The following ETV7 variants were observed in gnomAD, a reference collection of about 807,000 sequenced individuals.
The protein encoded by ETV7 is transcription factor ETV7.
Under a neutral mutation model 39.1 loss-of-function variants are expected in ETV7, and 43 were observed. That is an observed-to-expected ratio of 1.10 (90% CI 0.86 to 1.42). The LOEUF (loss-of-function observed/expected upper bound fraction) is 1.42. Among genes scored for constraint, ETV7 ranks in the 40% most tolerant of loss-of-function variants. The pLI is 0.00. For synonymous variants in ETV7, 196 were observed against 176.6 expected, an observed-to-expected ratio of 1.11 and a Z score of -0.87; for missense variants, 432 against 442.3, an observed-to-expected ratio of 0.98 and a Z score of 0.21.
chr6:36,386,517 C>T (rs1773907630), intron 1 of ETV7, among the ~76,000 whole-genome samples: 1 of 152,196 alleles, frequency 6.6e-6, no homozygotes, highest in South Asian at 2.1e-4. Context: ...GAATAGGAAG[C>T]TCCTTCGGGC....
At chr6:36,362,821 C>T (rs920528581), downstream of ETV7, among the ~76,000 whole-genome samples, 6 of 152,234 alleles carry the variant, frequency 3.9e-5, no homozygotes, top group African/African-American at 1.4e-4. Flanking sequence ...GATTCATTGC[C>T]TGAGTTAAGG....
intron 4 of ETV7, among the ~76,000 whole-genome samples, chr6:36,371,934 T>C (rs1773050890): frequency 6.6e-6 from 1 of 152,256 alleles, no homozygotes; most frequent in African/African-American, 2.4e-5. Flanking sequence ...CTAAGAATCT[T>C]GAGCATATAT....
At chr6:36,357,030 T>TA (rs1772359807) in intron 7 of ETV7, among the ~76,000 whole-genome samples, 1 of 152,186 alleles carries the variant, frequency 6.6e-6, no homozygotes, top group Non-Finnish European at 1.5e-5. Context: ...TGGGAGAAGA[T>TA]ATATGGCAGA....
chr6:36,385,395 GC>G, intron 2 of ETV7, 138 bp downstream of exon 2: 1 of 995,888 alleles, frequency 1.0e-6, no homozygotes, highest in Non-Finnish European at 1.5e-6. Context: ...GAACCCAGGA[GC>G]TGGAAGTTGA....
intron 4 of ETV7, among the ~76,000 whole-genome samples, chr6:36,373,058 G>C (rs933073048): frequency 1.1e-4 from 16 of 151,848 alleles, no homozygotes; most frequent in African/African-American, 3.9e-4. Context: ...AAAGAGTTTT[G>C]GGGGAAGGAA....
chr6:36,363,198 G>A (rs778397012), downstream of ETV7, among the ~76,000 whole-genome samples: 5 of 152,258 alleles, frequency 3.3e-5, no homozygotes, highest in East Asian at 1.9e-4. Context: ...GGACCCTCGC[G>A]GTGAGTCTTA....
intron 2 of ETV7, among the ~76,000 whole-genome samples, chr6:36,379,867 C>T (rs557317476): frequency 6.3e-4 from 93 of 148,388 alleles, no homozygotes; most frequent in African/African-American, 1.7e-3. Context: ...CTGAGCAAGA[C>T]GCCATCTCAA....
chr6:36,375,610 A>G (rs1165756665), intron 3 of ETV7, among the ~76,000 whole-genome samples: 1 of 152,186 alleles, frequency 6.6e-6, no homozygotes, highest in African/African-American at 2.4e-5. Flanking sequence ...CCACAGATAA[A>G]GGGAAGAGAA....
chr6:36,363,636 G>A (rs539986644), downstream of ETV7, among the ~76,000 whole-genome samples: 2 of 152,348 alleles, frequency 1.3e-5, no homozygotes, highest in South Asian at 4.1e-4. Context: ...TGCTAGCTGG[G>A]GCAGCCTGCT....
At position 36,375,951 on chromosome 6, in the gene ETV7, G is replaced by A. The variant is rs776191639; in HGVS notation, c.227C>T (p.Ala76Val). 16 of 1,613,486 alleles carry A rather than the reference G, an allele frequency of 9.9e-6. No homozygotes were observed. The highest frequency in any genetic ancestry group is 2.2e-5 in the East Asian group (1 of 44,900). ...AEQEYSLPCT[A>V]EHGFEMNGRA... ...TCCGTTCATCTCGAACCCGTGCTCCGCGGTGCATGGCAGAGAGTACTCCTG... is the reference window on the plus strand; with the variant it reads ...TCCGTTCATCTCGAACCCGTGCTCCACGGTGCATGGCAGAGAGTACTCCTG... The change falls in exon 3 of 8, where the codon GCG (alanine) becomes GTG (valine). Residue 76 changes from alanine (A) to valine (V), a missense_variant. By Grantham distance (64) the Ala-to-Val change is moderately conservative. Coordinates refer to ENST00000340181, the MANE Select transcript of ETV7 (RefSeq NM_016135.4).
rs370905579 is a variant in ETV7, at chr6:36,371,379, G to A, written c.615C>T (p.Val205=). ...CCTGCGGCATCGCGGGGAAGGAACA[G>A]ACCCCCTGGGTCCTGCAGCCGAGCT... is the stretch of plus-strand genomic sequence containing the variant. ...CAELGCRTQG[V]CSFPAMPQAP... The change falls in exon 5 of 8, where the codon GTC becomes GTT. Residue 205 remains valine, a synonymous_variant. Transcript: ENST00000340181. The A allele has an allele frequency of 1.0e-5, 16 of 1,601,446 alleles. No homozygotes were observed. Among genetic ancestry groups the A allele is most frequent in the Non-Finnish European group, 1.4e-5 (16 of 1,173,404 alleles).
At chr6:36,361,405 C>A (rs2127382115), downstream of ETV7, among the ~76,000 whole-genome samples, 1 of 152,356 alleles carries the variant, frequency 6.6e-6, no homozygotes, top group South Asian at 2.1e-4. Context: ...TTCTGTGTGT[C>A]TCTACAAACC....
chr6:36,372,985 C>T (rs529627930), intron 4 of ETV7, among the ~76,000 whole-genome samples: 8 of 151,246 alleles, frequency 5.3e-5, no homozygotes, highest in African/African-American at 9.7e-5. Flanking sequence ...AAGAGGAGGT[C>T]GAGGAGACAC....
At chr6:36,368,423 T>A (rs954041184) in intron 6 of ETV7, among the ~76,000 whole-genome samples, 1 of 152,232 alleles carries the variant, frequency 6.6e-6, no homozygotes, top group Non-Finnish European at 1.5e-5. Flanking sequence ...TCATGGTAGT[T>A]ACATTTTGTA....
At chr6:36,382,954 T>C (rs894284758) in intron 2 of ETV7, among the ~76,000 whole-genome samples, 4 of 150,454 alleles carry the variant, frequency 2.7e-5, no homozygotes, top group African/African-American at 9.8e-5. Flanking sequence ...AGCATCACAG[T>C]TGACCCTTGC....
rs988187721 is a variant in ETV7 at position 36,375,705 on chromosome 6, A to G, written c.307+166T>C. The G allele has an allele frequency of 6.3e-6, 7 of 1,106,382 alleles. No homozygotes were observed. The East Asian group carries it at 1.2e-4, about 19-fold the overall frequency. The allele number at this position is 1,106,382 out of a possible 1,614,324, so 68.5% of individuals were successfully genotyped here. Reference sequence around the variant, plus strand: ...TGCTGAAGGCCTGCTCTAGCTAGGAACCACCAGATACACACGTATGCAGAG... The same window carrying G: ...TGCTGAAGGCCTGCTCTAGCTAGGAGCCACCAGATACACACGTATGCAGAG... On this transcript the variant is annotated intron_variant, in intron 3 of 7. Transcript: ENST00000340181.
intron 3 of ETV7, among the ~76,000 whole-genome samples, chr6:36,374,630 T>C (rs1434720568): frequency 6.6e-6 from 1 of 152,164 alleles, no homozygotes; most frequent in Non-Finnish European, 1.5e-5. Flanking sequence ...TGCAGGACCA[T>C]CAGGGCTGTG....
chr6:36,375,115 T>C (rs3822975), intron 3 of ETV7, among the ~76,000 whole-genome samples: 24,704 of 150,848 alleles, frequency 0.16, 2,292 homozygotes, highest in Admixed American at 0.26. Flanking sequence ...GACTGGGCTG[T>C]ATGTGTTAGG....
At chr6:36,363,425 C>T (rs563492562), downstream of ETV7, among the ~76,000 whole-genome samples, 18 of 152,188 alleles carry the variant, frequency 1.2e-4, no homozygotes, top group East Asian at 3.3e-3. Context: ...AGCTGCAGAC[C>T]TTCACGGTGA....
Sources: allele counts gnomAD v4.1 joint callset (sites outside exome capture counted in the v4.1 genomes callset), GRCh38; gene constraint gnomAD v4.1.1; transcripts MANE v1.5; gene names NCBI Gene and HGNC (gene_info 2026-07-23, HGNC 2026-07-21).